Variants in FBXO36 observed in about 807,000 individuals in gnomAD.
The protein encoded by FBXO36 is F-box protein 36.
Under a neutral mutation model 17.0 loss-of-function variants are expected in FBXO36, and 18 were observed. That is an observed-to-expected ratio of 1.06 (90% CI 0.73 to 1.57). The LOEUF (loss-of-function observed/expected upper bound fraction) is 1.57. FBXO36 is among the 40% of genes most tolerant of loss of function. The pLI is 0.00. For missense variants in FBXO36, 229 were observed against 221.9 expected, an observed-to-expected ratio of 1.03 and a Z score of -0.20; for synonymous variants, 83 against 85.3, an observed-to-expected ratio of 0.97 and a Z score of 0.15.
At chr2:229,980,927 C>A (rs562270405) in intron 2 of FBXO36, among the ~76,000 whole-genome samples, 1 of 152,256 alleles carries the variant, frequency 6.6e-6, no homozygotes, top group Non-Finnish European at 1.5e-5. Flanking sequence ...GCTCCTGTGT[C>A]TCTAAGGGGA....
At chr2:229,961,124 A>G (rs928768373) in intron 1 of FBXO36, among the ~76,000 whole-genome samples, 1 of 152,008 alleles carries the variant, frequency 6.6e-6, no homozygotes, top group South Asian at 2.1e-4. Flanking sequence ...AAAAAAATAA[A>G]TTTATTCCTT....
At chr2:229,950,063 C>G (rs1415305652) in intron 1 of FBXO36, among the ~76,000 whole-genome samples, 2 of 152,242 alleles carry the variant, frequency 1.3e-5, no homozygotes, top group Non-Finnish European at 2.9e-5. Context: ...AGCAGCCACC[C>G]TGAGCTCTAG....
At chr2:229,934,304 G>A (rs1301353473) in intron 1 of FBXO36, among the ~76,000 whole-genome samples, 1 of 152,138 alleles carries the variant, frequency 6.6e-6, no homozygotes, top group East Asian at 1.9e-4. Context: ...GGGAGGCTGA[G>A]GCAGGAGAAT....
Position 229,995,592 on chromosome 2 carries a change from C to CTTTTTTTTTTTTTTTTTTTTTT in FBXO36, c.206-1156_206-1155insTTTTTTTTTTTTTTTTTTTTTT, listed in dbSNP as rs748422157. ...TTTCTTTCTTTCTTTCTCTTTCTTT[C>CTTTTTTTTTTTTTTTTTTTTTT]TTTCTTTTTTTTTTTTTTGGACAGA... On this transcript the variant is annotated intron_variant, in intron 2 of 3. Coordinates refer to ENST00000283946, the MANE Select transcript of FBXO36 (RefSeq NM_174899.5). 9.6e-5 allele frequency among the ~76,000 whole-genome samples: 11 copies of CTTTTTTTTTTTTTTTTTTTTTT among 114,552 alleles called. 1 individual carries two copies. The highest frequency in any genetic ancestry group is 1.9e-4 in the African/African-American group (6 of 31,422). 75.2% of individuals were successfully genotyped at this position (114,552 alleles called of 152,430 possible).
chr2:229,949,205 T>G (rs1335429005), intron 1 of FBXO36, among the ~76,000 whole-genome samples: 2 of 152,230 alleles, frequency 1.3e-5, no homozygotes, highest in Non-Finnish European at 2.9e-5. Context: ...CTCATTCAAC[T>G]GGACCTAGTT....
intron 3 of FBXO36, among the ~76,000 whole-genome samples, chr2:230,009,675 T>TG (rs908907478): frequency 1.3e-4 from 20 of 152,262 alleles, no homozygotes; most frequent in African/African-American, 4.8e-4. Context: ...CCGGGCACGG[T>TG]GGCTCACGCC....
chr2:230,010,838 G>T lies in FBXO36; in HGVS notation c.521G>T (p.Arg174Leu), dbSNP rs145410117. ...AAGCTCCAGCTCCAGCGGCAGCTCC[G>T]CAAGAGGAAACAAAAATATGGAAAC... ...TNKLQLQRQL[R>L]KRKQKYGNLR... is the part of the protein sequence containing the mutation. The change falls in exon 4 of 4, where the codon CGC (arginine) becomes CTC (leucine). Residue 174 changes from arginine to leucine, a missense_variant. Transcript: ENST00000283946. 9 of 1,613,308 alleles carry T rather than the reference G, an allele frequency of 5.6e-6. No homozygotes were observed. Among genetic ancestry groups the T allele is most frequent in the Non-Finnish European group, 7.6e-6 (9 of 1,179,624 alleles).
chr2:229,953,079 T>C (rs536099646), intron 1 of FBXO36, among the ~76,000 whole-genome samples: 1 of 152,202 alleles, frequency 6.6e-6, no homozygotes, highest in East Asian at 1.9e-4. Context: ...GGCTCACGCC[T>C]GTAATCCCAG....
chr2:229,987,092 C>T (rs1472256422), intron 2 of FBXO36, among the ~76,000 whole-genome samples: 2 of 151,128 alleles, frequency 1.3e-5, no homozygotes, highest in African/African-American at 4.9e-5. Flanking sequence ...TGTTGGCGCA[C>T]AACTGTAATC....
chr2:229,978,512 A>G (rs971226560), intron 2 of FBXO36, among the ~76,000 whole-genome samples: 3 of 151,902 alleles, frequency 2.0e-5, no homozygotes, highest in Non-Finnish European at 4.4e-5. Flanking sequence ...GCTTGAACCC[A>G]GGAGGTGGAG....
At chr2:229,977,484 C>G (rs1333439379) in intron 2 of FBXO36, among the ~76,000 whole-genome samples, 1 of 151,918 alleles carries the variant, frequency 6.6e-6, no homozygotes, top group Non-Finnish European at 1.5e-5. Context: ...GAGTTTTGCT[C>G]TTGTTGCCCA....
In FBXO36 at chr2:229,969,512, C is replaced by G. The variant is rs575921760; in HGVS notation, c.97-6729C>G. Among the ~76,000 whole-genome samples, 15 of 152,126 alleles carry G rather than the reference C, an allele frequency of 9.9e-5. No homozygotes were observed. In the East Asian group the frequency reaches 2.7e-3, roughly 28 times the overall value. On this transcript the variant is annotated intron_variant, in intron 1 of 3. Coordinates refer to ENST00000283946, the MANE Select transcript of FBXO36 (RefSeq NM_174899.5). ...GACCATCCTGGCTAACGCGGTGAAA[C>G]CCTGTCTCTACTAAAAATACAAAAA...
intron 1 of FBXO36, among the ~76,000 whole-genome samples, chr2:229,933,317 G>A (rs571648608): frequency 1.3e-5 from 2 of 151,924 alleles, no homozygotes; most frequent in East Asian, 1.9e-4. Context: ...GAACCCAGGT[G>A]GTGGGGCAGA....
chr2:229,939,174 C>T (rs900433193), intron 1 of FBXO36: 93 of 933,770 alleles, frequency 1.0e-4, no homozygotes, highest in Non-Finnish European at 1.2e-4. Flanking sequence ...CTGCTTCAGC[C>T]TCCCAAGTAT....
intron 3 of FBXO36, among the ~76,000 whole-genome samples, chr2:230,007,395 T>G (rs1356479340): frequency 6.6e-6 from 1 of 151,916 alleles, no homozygotes; most frequent in Non-Finnish European, 1.5e-5. Context: ...GAGAGAGAGA[T>G]TTTTTCCTCA....
intron 1 of FBXO36, among the ~76,000 whole-genome samples, chr2:229,931,312 C>T (rs1364950862): frequency 6.6e-6 from 1 of 152,136 alleles, no homozygotes; most frequent in African/African-American, 2.4e-5. Flanking sequence ...AGTGCCTGCT[C>T]AATCTGGGCA....
At chr2:229,985,600 G>A (rs1185072593) in intron 2 of FBXO36, among the ~76,000 whole-genome samples, 1 of 152,188 alleles carries the variant, frequency 6.6e-6, no homozygotes, top group Non-Finnish European at 1.5e-5. Context: ...AGGTGGGAGA[G>A]TGCAGGAGGT....
intron 1 of FBXO36, among the ~76,000 whole-genome samples, chr2:229,942,518 CT>C (rs1190237910): frequency 2.6e-5 from 4 of 152,190 alleles, no homozygotes; most frequent in African/African-American, 9.6e-5. Context: ...GAAGTCATGG[CT>C]GCTGAGCCAA....
chr2:229,995,561 C>CCTTT (rs71049610), intron 2 of FBXO36, among the ~76,000 whole-genome samples: 14,423 of 139,832 alleles, frequency 0.1, 900 homozygotes, highest in South Asian at 0.16. Context: ...TTCTTTCCTT[C>CCTTT]CTTTCTTTCT....
Sources: gnomAD v4.1 joint callset for allele counts (sites outside exome capture counted in the v4.1 genomes callset) on GRCh38, gnomAD v4.1.1 for gene constraint, MANE v1.5 for transcripts, NCBI Gene and HGNC (gene_info 2026-07-23, HGNC 2026-07-21) for gene names.